Variants in IFITM10 observed in about 807,000 individuals in gnomAD.
IFITM10 encodes the protein interferon induced transmembrane protein 10.
A neutral mutation model predicts 19.0 loss-of-function variants in IFITM10; 17 were observed. The ratio of observed to expected loss-of-function variants is 0.90; its 90% CI spans 0.61 to 1.34. The LOEUF is 1.34. Ranked by LOEUF, IFITM10 falls within the 40% of genes most tolerant of loss-of-function variation. The pLI is 0.00. For missense variants in IFITM10, 306 were observed against 319.8 expected (o/e 0.96, Z 0.33); for synonymous variants, 148 against 147.2 (o/e 1.01, Z -0.04).
intron 2 of IFITM10, 26 bp from the exon 3 acceptor site, chr11:1,735,455 T>G: frequency 6.5e-7 from 1 of 1,547,658 alleles, no homozygotes; most frequent in Non-Finnish European, 8.7e-7. Context: ...GGACAGGAAA[T>G]GGGCAGTCAG....
chr11:1,749,999 G>A (rs926572509), intron 1 of IFITM10, among the ~76,000 whole-genome samples: 1 of 152,130 alleles, frequency 6.6e-6, no homozygotes, highest in African/African-American at 2.4e-5. Context: ...CCCGTTCCGA[G>A]CTCTGGTCCT....
At chr11:1,737,381 A>G (rs1372489511) in intron 2 of IFITM10, among the ~76,000 whole-genome samples, 1 of 152,170 alleles carries the variant, frequency 6.6e-6, no homozygotes, top group Non-Finnish European at 1.5e-5. Flanking sequence ...CTTGCAGTCT[A>G]CTCCTAGACA....
At chr11:1,739,739 G>A (rs1476903306) in intron 2 of IFITM10, among the ~76,000 whole-genome samples, 2 of 152,098 alleles carry the variant, frequency 1.3e-5, no homozygotes, top group African/African-American at 2.4e-5. Context: ...GGAAAGATCG[G>A]AAGAATGTGA....
At chr11:1,749,792 C>G (rs1343944486) in intron 1 of IFITM10, among the ~76,000 whole-genome samples, 2 of 152,018 alleles carry the variant, frequency 1.3e-5, no homozygotes, top group East Asian at 1.9e-4. Flanking sequence ...CCAGGCCTTC[C>G]GGTAAGTTTC....
rs1345875038 is a variant in IFITM10, at chr11:1,747,714, G to A, written c.490C>T (p.Leu164Phe). The A allele has an allele frequency of 2.6e-6, 4 of 1,551,694 alleles. No individual in the cohort carries two copies. The highest frequency in any genetic ancestry group is 3.5e-6 in the Non-Finnish European group (4 of 1,147,008). The change falls in exon 2 of 3, where the codon CTC (leucine) becomes TTC (phenylalanine). Residue 164 changes from leucine to phenylalanine, a missense_variant. Transcript: ENST00000340134. ...YLWSIFNFVY[L>F]NFCCLGFIAL... Reference sequence around the variant, plus strand: ...ATGAAGCCCAGGCAGCAGAAGTTGAGGTAGACGAAGTTGAAGATGGACCAC... The same window carrying A: ...ATGAAGCCCAGGCAGCAGAAGTTGAAGTAGACGAAGTTGAAGATGGACCAC...
intron 2 of IFITM10, among the ~76,000 whole-genome samples, chr11:1,737,457 G>A (rs1226595173): frequency 6.6e-6 from 1 of 152,198 alleles, no homozygotes; most frequent in East Asian, 1.9e-4. Flanking sequence ...GATTCTGCGG[G>A]TCGTAGACTG....
intron 2 of IFITM10, 36 bp from the exon 3 acceptor site, chr11:1,735,465 G>A: frequency 6.5e-7 from 1 of 1,544,928 alleles, no homozygotes; most frequent in Non-Finnish European, 8.7e-7. Context: ...TGGGCAGTCA[G>A]CCAGGGAGCA....
At chr11:1,746,874 AC>A (rs1338314493) in intron 2 of IFITM10, 2 of 398,104 alleles carry the variant, frequency 5.0e-6, no homozygotes, top group Admixed American at 8.8e-5. Context: ...GGAGGAGGGC[AC>A]CGGGGCCTGC....
intron 2 of IFITM10, among the ~76,000 whole-genome samples, chr11:1,740,099 A>C (rs530913653): frequency 6.6e-6 from 1 of 152,210 alleles, no homozygotes; most frequent in Non-Finnish European, 1.5e-5. Flanking sequence ...CAGAAGTTTG[A>C]GATCAGCCTG....
rs1444285745 is a variant in IFITM10 at position 1,734,249 on chromosome 11, C to G, written c.*1031G>C. The G allele has an allele frequency of 6.6e-6, 1 of 152,338 alleles. No homozygotes were observed. Among genetic ancestry groups the G allele is most frequent in the African/African-American group, 2.4e-5 (1 of 41,474 alleles). 9.4% of individuals were successfully genotyped at this position (152,338 alleles called of 1,614,324 possible). A position where few individuals can be genotyped will look rare whatever the true frequency, so the allele number is the denominator to read the frequency against. On this transcript the variant is annotated 3_prime_UTR_variant, in exon 3 of 3. Transcript: ENST00000340134. ...TGAGTTCCAAGGGGACAGAGCCCAT[C>G]CCTGCATCCTGCCTCCCACATTGTG...
chr11:1,742,076 G>A (rs147015144), intron 2 of IFITM10, among the ~76,000 whole-genome samples: 2 of 152,308 alleles, frequency 1.3e-5, no homozygotes, highest in East Asian at 3.9e-4. Flanking sequence ...ATTAGAGCAG[G>A]CTGGACAGGC....
intron 2 of IFITM10, among the ~76,000 whole-genome samples, chr11:1,735,748 A>C (rs1212658306): frequency 6.6e-6 from 1 of 152,242 alleles, no homozygotes; most frequent in Admixed American, 6.5e-5. Flanking sequence ...CAACTGGGTG[A>C]AGGATATAAA....
chr11:1,741,691 G>A (rs1343411334), intron 2 of IFITM10, among the ~76,000 whole-genome samples: 4 of 152,178 alleles, frequency 2.6e-5, no homozygotes, highest in African/African-American at 7.2e-5. Context: ...GGATGGAACA[G>A]GTCACTGGAG....
At chr11:1,738,056 A>G (rs1851105290) in intron 2 of IFITM10, among the ~76,000 whole-genome samples, 1 of 152,030 alleles carries the variant, frequency 6.6e-6, no homozygotes, top group Non-Finnish European at 1.5e-5. Flanking sequence ...GGAGTGATCT[A>G]ATGATCGGGA....
intron 1 of IFITM10, chr11:1,749,266 TC>T: frequency 1.0e-5 from 2 of 197,694 alleles, no homozygotes; most frequent in South Asian, 1.7e-4. Context: ...CACAGCCACC[TC>T]CCCGCCTCCG....
chr11:1,732,829 G>A lies in IFITM10; in HGVS notation c.*2451C>T, dbSNP rs1414464716. The A allele has an allele frequency of 6.6e-6, 1 of 152,266 alleles. No homozygotes were observed. Among genetic ancestry groups the A allele is most frequent in the Non-Finnish European group, 1.5e-5 (1 of 68,062 alleles). The allele number at this position is 152,266 out of a possible 1,614,324, so 9.4% of individuals were successfully genotyped here. Reference sequence around the variant, plus strand: ...ACTCAGAAAGCTTCAGCCAGGCGCAGGAACATCCCAGGGAAAAGCTGGCTG... The same window carrying A: ...ACTCAGAAAGCTTCAGCCAGGCGCAAGAACATCCCAGGGAAAAGCTGGCTG... On this transcript the variant is annotated 3_prime_UTR_variant, in exon 3 of 3. Transcript: ENST00000340134.
chr11:1,735,527 A>C, intron 2 of IFITM10, 98 bp from the exon 3 acceptor site: 1 of 1,075,474 alleles, frequency 9.3e-7, no homozygotes, highest in Non-Finnish European at 1.3e-6. Context: ...AGTGCTCAGC[A>C]CAGTACCAGT....
chr11:1,736,834 T>C (rs1851092437), intron 2 of IFITM10, among the ~76,000 whole-genome samples: 1 of 150,886 alleles, frequency 6.6e-6, no homozygotes, highest in South Asian at 2.1e-4. Context: ...ATGGAATGGA[T>C]GGAGTGGAGT....
chr11:1,733,428 A>G lies in IFITM10; in HGVS notation c.*1852T>C. ...TCTTCCCTGAGCACCCCCTCCATCC[A>G]CCTCTGCCTGGGCTGCACCCCAGGC... is the stretch of plus-strand genomic sequence containing the variant. On this transcript the variant is annotated 3_prime_UTR_variant, in exon 3 of 3. Transcript: ENST00000340134. This position sits in a 1 kb window ranked among gnomAD's most constrained non-coding sequence, Gnocchi z 6.3. 1 of 144,262 alleles carries G rather than the reference A, an allele frequency of 6.9e-6. No individual in the cohort carries two copies. The highest frequency in any genetic ancestry group is 1.5e-5 in the Non-Finnish European group (1 of 65,822). 8.9% of individuals were successfully genotyped at this position (144,262 alleles called of 1,614,324 possible). A position where few individuals can be genotyped will look rare whatever the true frequency, so the allele number is the denominator to read the frequency against.
Sources: allele counts gnomAD v4.1 joint callset (sites outside exome capture counted in the v4.1 genomes callset), GRCh38; gene constraint gnomAD v4.1.1; non-coding constraint Gnocchi (gnomAD v3.1); transcripts MANE v1.5; gene names NCBI Gene and HGNC (gene_info 2026-07-23, HGNC 2026-07-21).